The following GFPT1 variants were observed in gnomAD, a reference collection of about 807,000 sequenced individuals.
GFPT1 encodes glutamine--fructose-6-phosphate aminotransferase [isomerizing] 1.
Under a neutral mutation model 92.0 loss-of-function variants are expected in GFPT1, and 40 were observed. The observed-to-expected ratio is 0.43, with a 90% confidence interval of 0.34 to 0.57. The LOEUF is 0.57. Ranked by LOEUF, GFPT1 falls within the 20% of genes least tolerant of loss-of-function variation. The probability of loss-of-function intolerance (pLI) is 0.02; values close to 1 mark genes in which losing one functional copy is unlikely to be tolerated. For missense variants in GFPT1, 448 were observed against 869.1 expected (o/e 0.52, Z 6.09); for synonymous variants, 269 against 280.6 (o/e 0.96, Z 0.41).
At chr2:69,351,811 G>T (rs1421837845) in intron 9 of GFPT1, among the ~76,000 whole-genome samples, 1 of 152,130 alleles carries the variant, frequency 6.6e-6, no homozygotes, top group Non-Finnish European at 1.5e-5. Flanking sequence ...GTTTGCCAGG[G>T]GCTGGGAATG....
chr2:69,334,702 A>G (rs1184355574), intron 15 of GFPT1: 1 of 152,244 alleles, frequency 6.6e-6, no homozygotes, highest in East Asian at 1.9e-4. Flanking sequence ...TTTAAAAAAC[A>G]AACTTCAGGC....
chr2:69,364,188 C>T (rs7571096), intron 3 of GFPT1, among the ~76,000 whole-genome samples: 56,069 of 150,856 alleles, frequency 0.37, 10,809 homozygotes, highest in Middle Eastern at 0.45. Flanking sequence ...AGTAAGTTTA[C>T]ACACCTACTA....
Position 69,329,809 on chromosome 2 carries a change from AC to A in GFPT1, c.1483-12del, listed in dbSNP as rs1670618261. On this transcript the variant is annotated splice_polypyrimidine_tract_variant and intron_variant, in intron 15 of 19. Transcript: ENST00000357308. ...CTGGCTGGTATAAGCCTGAAACATC[AC>A]AAAAAAGCAGGACAATTAGTTGCAG... 1 of 1,376,836 alleles carries A rather than the reference AC, an allele frequency of 7.3e-7. No individual in the cohort carries two copies. The highest frequency in any genetic ancestry group is 1.0e-6 in the Non-Finnish European group (1 of 963,134). The allele number at this position is 1,376,836 out of a possible 1,614,324, so 85.3% of individuals were successfully genotyped here. A position where few individuals can be genotyped will look rare whatever the true frequency, so the allele number is the denominator to read the frequency against.
intron 13 of GFPT1, among the ~76,000 whole-genome samples, chr2:69,340,825 T>C (rs1464166437): frequency 1.3e-5 from 2 of 152,196 alleles, no homozygotes; most frequent in Non-Finnish European, 2.9e-5. Context: ...ACAGAGTATA[T>C]AATTTCTGCC....
chr2:69,347,176 G>C (rs1214955345), intron 11 of GFPT1, among the ~76,000 whole-genome samples: 1 of 151,766 alleles, frequency 6.6e-6, no homozygotes, highest in African/African-American at 2.4e-5. Flanking sequence ...CTCCCAAAGT[G>C]CTAGGATTAC....
intron 1 of GFPT1, among the ~76,000 whole-genome samples, chr2:69,386,458 T>C (rs1421618086): frequency 6.6e-6 from 1 of 152,186 alleles, no homozygotes; most frequent in African/African-American, 2.4e-5. Flanking sequence ...CACAGACATT[T>C]GAAGGCCTCT....
intron 1 of GFPT1, 33 bp downstream of exon 1, chr2:69,387,032 C>T (rs1405321626): frequency 6.7e-7 from 1 of 1,500,244 alleles, no homozygotes; most frequent in Non-Finnish European, 9.0e-7. Flanking sequence ...CAGCGCCACC[C>T]GGCAACACGC....
chr2:69,348,331 A>G lies in GFPT1; in HGVS notation c.849T>C (p.Ala283=), dbSNP rs1343745896. Residue 283 remains alanine (A), a synonymous_variant, in exon 11 of 20, where the codon GCT becomes GCC. Coordinates refer to ENST00000357308, the MANE Select transcript of GFPT1 (RefSeq NM_001244710.2). ...TGACGCGATTGGTGTGTTCTATGACAGCACTATAAAGTTTTCAAGGAGATA... is the reference window on the plus strand; with the variant it reads ...TGACGCGATTGGTGTGTTCTATGACGGCACTATAAAGTTTTCAAGGAGATA... The part of the protein sequence containing the change: ...VEYYFASDAS[A]VIEHTNRVIF... 26 of 1,609,558 alleles carry G rather than the reference A, an allele frequency of 1.6e-5. No individual in the cohort carries two copies. Among genetic ancestry groups the G allele is most frequent in the Non-Finnish European group, 2.0e-5 (24 of 1,175,784 alleles).
At chr2:69,333,755 G>A (rs934403444) in intron 15 of GFPT1, among the ~76,000 whole-genome samples, 1 of 152,188 alleles carries the variant, frequency 6.6e-6, no homozygotes, top group Non-Finnish European at 1.5e-5. Flanking sequence ...GAGAAACTCA[G>A]TAAGATCCCT....
At chr2:69,364,786 G>A (rs1671567837) in intron 3 of GFPT1, among the ~76,000 whole-genome samples, 1 of 151,916 alleles carries the variant, frequency 6.6e-6, no homozygotes, top group African/African-American at 2.4e-5. Flanking sequence ...CACAAGGTCA[G>A]GAGTCCAAGA....
chr2:69,338,605 A>G (rs1244853713), intron 13 of GFPT1, 40 bp from the exon 14 acceptor site: 1 of 1,610,126 alleles, frequency 6.2e-7, no homozygotes, highest in South Asian at 1.1e-5. Flanking sequence ...ACTTTCCTTC[A>G]AATACTCTTT....
Position 69,322,331 on chromosome 2 carries a change from T to G in GFPT1, c.*3858A>C, listed in dbSNP as rs1297524779. 1.5e-4 allele frequency: 23 copies of G among 152,182 alleles called. No homozygotes were observed. The highest frequency in any genetic ancestry group is 1.5e-3 in the Admixed American group (23 of 15,270). 9.4% of individuals were successfully genotyped at this position (152,182 alleles called of 1,614,324 possible). ...TGCTTCTTTAGAAAAATCACTTAAGTTGTAGCATACAATAGTTAACATTAG... is the reference window on the plus strand; with the variant it reads ...TGCTTCTTTAGAAAAATCACTTAAGGTGTAGCATACAATAGTTAACATTAG... On this transcript the variant is annotated 3_prime_UTR_variant, in exon 20 of 20. Coordinates refer to ENST00000357308, the MANE Select transcript of GFPT1 (RefSeq NM_001244710.2).
At chr2:69,335,278 A>AT (rs1670768151) in intron 15 of GFPT1, among the ~76,000 whole-genome samples, 1 of 152,178 alleles carries the variant, frequency 6.6e-6, no homozygotes, top group Non-Finnish European at 1.5e-5. Flanking sequence ...AAGTGCCAGG[A>AT]TAACAGTTGT....
chr2:69,328,245 G>T, intron 18 of GFPT1, 26 bp downstream of exon 18: 1 of 1,584,950 alleles, frequency 6.3e-7, no homozygotes, highest in East Asian at 2.2e-5. Flanking sequence ...TGATCCCCAA[G>T]GTGTTCTCAC....
chr2:69,329,545 T>C, intron 16 of GFPT1, 121 bp from the exon 17 acceptor site: 1 of 950,594 alleles, frequency 1.1e-6, no homozygotes, highest in Non-Finnish European at 1.7e-6. Context: ...AGTATGGGTA[T>C]TTTTTTAATA....
At chr2:69,342,596 T>C (rs1670979218) in intron 12 of GFPT1, among the ~76,000 whole-genome samples, 1 of 152,116 alleles carries the variant, frequency 6.6e-6, no homozygotes, top group Admixed American at 6.6e-5. Flanking sequence ...TCATTAGATG[T>C]AGAGGGCTGG....
intron 17 of GFPT1, 25 bp downstream of exon 17, chr2:69,329,272 A>G (rs1434780713): frequency 1.2e-6 from 2 of 1,607,378 alleles, no homozygotes. Flanking sequence ...ATGGACTGAT[A>G]CTAATTAGAA....
chr2:69,327,118 CA>C (rs1558725130), intron 18 of GFPT1, 43 bp from the exon 19 acceptor site: 1 of 1,592,078 alleles, frequency 6.3e-7, no homozygotes, highest in Admixed American at 1.7e-5. Flanking sequence ...CACTGGTGGG[CA>C]AAGGCAGGGC....
At chr2:69,368,044 T>G (rs1196191604) in intron 3 of GFPT1, among the ~76,000 whole-genome samples, 4 of 151,330 alleles carry the variant, frequency 2.6e-5, no homozygotes, top group African/African-American at 9.7e-5. Context: ...AGGTCAGGAG[T>G]TCAAGACCAG....
Sources: allele counts gnomAD v4.1 joint callset (sites outside exome capture counted in the v4.1 genomes callset), GRCh38; gene constraint gnomAD v4.1.1; transcripts MANE v1.5; gene names NCBI Gene and HGNC (gene_info 2026-07-23, HGNC 2026-07-21).